The following WDPCP variants were observed in gnomAD, a reference collection of about 807,000 sequenced individuals.
WDPCP encodes WD repeat-containing and planar cell polarity effector protein fritz homolog.
A neutral mutation model predicts 93.1 loss-of-function variants in WDPCP; 71 were observed. That is an observed-to-expected ratio of 0.76 (90% confidence interval 0.63 to 0.93). The LOEUF is 0.93. WDPCP is among the 40% of genes least tolerant of loss of function. The pLI, the probability that WDPCP is intolerant of heterozygous loss-of-function variation, is 0.00. For synonymous variants in WDPCP, 315 were observed against 315.0 expected, an observed-to-expected ratio of 1.00 and a Z score of 0.00; for missense variants, 844 against 887.4, an observed-to-expected ratio of 0.95 and a Z score of 0.62.
chr2:63,272,093 AT>A (rs1682708249), intron 13 of WDPCP, among the ~76,000 whole-genome samples: 1 of 152,134 alleles, frequency 6.6e-6, no homozygotes, highest in Non-Finnish European at 1.5e-5. Flanking sequence ...GGGTCCAAGA[AT>A]TGGTGCACAT....
intron 17 of WDPCP, among the ~76,000 whole-genome samples, chr2:63,143,265 C>T (rs532027912): frequency 4.6e-5 from 7 of 152,298 alleles, no homozygotes; most frequent in African/African-American, 1.7e-4. Flanking sequence ...TGTCCATTTG[C>T]ATGAAATGCC....
At chr2:63,680,107 G>T (rs116161357) in intron 2 of WDPCP, among the ~76,000 whole-genome samples, 1,792 of 152,300 alleles carry the variant, frequency 0.012, 38 homozygotes, top group African/African-American at 0.041. Flanking sequence ...TAGTGAGACA[G>T]GGTGGAGAAA....
chr2:63,144,593 A>G (rs1454103248), intron 17 of WDPCP, among the ~76,000 whole-genome samples: 1 of 152,018 alleles, frequency 6.6e-6, no homozygotes, highest in African/African-American at 2.4e-5. Context: ...AAGTTTCCTG[A>G]TTTTTTGGTT....
At chr2:63,745,158 TATAAAGA>T (rs973610750) in intron 2 of WDPCP, among the ~76,000 whole-genome samples, 1 of 152,208 alleles carries the variant, frequency 6.6e-6, no homozygotes, top group African/African-American at 2.4e-5. Context: ...TTTGAGGATT[TATAAAGA>T]GTAAAGAATT....
At chr2:63,478,224 A>G (rs1700076953) in intron 6 of WDPCP, among the ~76,000 whole-genome samples, 1 of 152,176 alleles carries the variant, frequency 6.6e-6, no homozygotes, top group Non-Finnish European at 1.5e-5. Context: ...TTAGATAGAC[A>G]GCAACACAGT....
At chr2:63,153,062 A>G (rs894079625) in intron 16 of WDPCP, 117 bp from the exon 17 acceptor site, 1 of 815,178 alleles carries the variant, frequency 1.2e-6, no homozygotes, top group Admixed American at 2.6e-5. Context: ...TACAATGCTG[A>G]GAACTCTAGA....
chr2:63,572,149 T>G (rs796339107), intron 1 of WDPCP, among the ~76,000 whole-genome samples: 2 of 152,152 alleles, frequency 1.3e-5, no homozygotes, highest in South Asian at 4.1e-4. Flanking sequence ...CCATATCCCT[T>G]AACCCACTGA....
At chr2:63,840,717 AC>A in the WDPCP span, among the ~76,000 whole-genome samples, 2 of 152,224 alleles carry the variant, frequency 1.3e-5, no homozygotes, top group African/African-American at 4.8e-5. Context: ...TGGAAAAATA[AC>A]CAGTCGTGCT....
chr2:63,188,675 A>T (rs1409026245), intron 14 of WDPCP, among the ~76,000 whole-genome samples: 1 of 151,496 alleles, frequency 6.6e-6, no homozygotes, highest in Non-Finnish European at 1.5e-5. Flanking sequence ...TGATATTCTT[A>T]TTTTGTTCAT....
At chr2:63,692,960 C>T (rs1668910991) in intron 2 of WDPCP, among the ~76,000 whole-genome samples, 1 of 152,146 alleles carries the variant, frequency 6.6e-6, no homozygotes, top group South Asian at 2.1e-4. Context: ...CTGTTTTAGG[C>T]ACTTAAAATG....
intron 14 of WDPCP, among the ~76,000 whole-genome samples, chr2:63,206,838 T>G (rs551305478): frequency 6.6e-6 from 1 of 152,312 alleles, no homozygotes; most frequent in African/African-American, 2.4e-5. Context: ...TTTACTGTGG[T>G]AAAAAACCCA....
At chr2:63,328,810 T>G (rs888358069) in intron 12 of WDPCP, among the ~76,000 whole-genome samples, 1 of 152,206 alleles carries the variant, frequency 6.6e-6, no homozygotes, top group Non-Finnish European at 1.5e-5. Flanking sequence ...CACTGCAGCC[T>G]GAAACTCCTG....
chr2:63,427,768 A>G (rs561964063), intron 9 of WDPCP, among the ~76,000 whole-genome samples: 24 of 152,310 alleles, frequency 1.6e-4, no homozygotes, highest in African/African-American at 5.8e-4. Context: ...AAATCCATAC[A>G]AAAGATCAAT....
At chr2:63,597,509 G>A in intron 3 of WDPCP, 1 of 1,514,618 alleles carries the variant, frequency 6.6e-7, no homozygotes, top group Non-Finnish European at 8.9e-7. Context: ...TTTACTGAAA[G>A]CAAATGTGAA....
At chr2:63,818,389 G>C (rs939713662) in intron 1 of WDPCP, among the ~76,000 whole-genome samples, 4 of 152,162 alleles carry the variant, frequency 2.6e-5, no homozygotes, top group African/African-American at 4.8e-5. Context: ...CCAATGCCTT[G>C]AATAATGTCA....
At chr2:63,310,881 G>A (rs1176188727) in intron 13 of WDPCP, among the ~76,000 whole-genome samples, 1 of 149,334 alleles carries the variant, frequency 6.7e-6, no homozygotes, top group Non-Finnish European at 1.5e-5. Flanking sequence ...AATCAATAAA[G>A]CAAGCAAGCA....
chr2:63,651,743 C>G (rs1312488803), intron 2 of WDPCP, among the ~76,000 whole-genome samples: 1 of 152,156 alleles, frequency 6.6e-6, no homozygotes, highest in African/African-American at 2.4e-5. Context: ...CTACAAAATA[C>G]CTTCACAGCA....
intron 2 of WDPCP, among the ~76,000 whole-genome samples, chr2:63,731,263 G>A (rs1254818723): frequency 1.5e-5 from 2 of 137,412 alleles, no homozygotes; most frequent in Admixed American, 7.5e-5. Flanking sequence ...GTGAGAATCC[G>A]TCTCAAAAAA....
chr2:63,411,387 T>A (rs1420407122), intron 9 of WDPCP, among the ~76,000 whole-genome samples: 1 of 152,060 alleles, frequency 6.6e-6, no homozygotes, highest in African/African-American at 2.4e-5. Flanking sequence ...AAGGTGGTGC[T>A]AAGAGGAAAG....
Sources: allele counts gnomAD v4.1 joint callset (sites outside exome capture counted in the v4.1 genomes callset), GRCh38; gene constraint gnomAD v4.1.1; transcripts MANE v1.5; gene names NCBI Gene and HGNC (gene_info 2026-07-23, HGNC 2026-07-21).